KCNQ5: variants seen among roughly 807,000 people sequenced by gnomAD.
KCNQ5 encodes potassium voltage-gated channel subfamily KQT member 5.
A neutral mutation model predicts 98.2 loss-of-function variants in KCNQ5; 30 were observed. The ratio of observed to expected loss-of-function variants is 0.31; its 90% CI spans 0.23 to 0.41. The LOEUF is 0.41. Ranked by LOEUF, KCNQ5 falls within the 10% of genes least tolerant of loss-of-function variation. KCNQ5 has a pLI of 1.00. For synonymous variants in KCNQ5, 458 were observed against 449.4 expected (o/e 1.02, Z -0.24); for missense variants, 835 against 1,182.5 (o/e 0.71, Z 4.31).
chr6:73,081,452 G>A (rs372895463), intron 5 of KCNQ5, among the ~76,000 whole-genome samples: 9 of 152,096 alleles, frequency 5.9e-5, no homozygotes, highest in African/African-American at 1.7e-4. Flanking sequence ...TTGTGGGAGT[G>A]ATTTTTCTCT....
At chr6:72,633,389 C>A (rs201896472) in intron 1 of KCNQ5, among the ~76,000 whole-genome samples, 1 of 152,006 alleles carries the variant, frequency 6.6e-6, no homozygotes, top group East Asian at 1.9e-4. Flanking sequence ...GTTTATAAAT[C>A]GGAGACGACA....
At chr6:72,872,790 A>G (rs925333762) in intron 1 of KCNQ5, among the ~76,000 whole-genome samples, 5 of 152,176 alleles carry the variant, frequency 3.3e-5, no homozygotes, top group Middle Eastern at 3.4e-3. Context: ...GTATTGTTCA[A>G]TACTCTCCCA....
intron 1 of KCNQ5, among the ~76,000 whole-genome samples, chr6:72,926,557 C>A (rs1483466615): frequency 6.6e-6 from 1 of 151,988 alleles, no homozygotes; most frequent in Non-Finnish European, 1.5e-5. Context: ...CTAAGGGCTA[C>A]CAACAACACT....
At chr6:73,180,965 T>A (rs1365003286) in intron 11 of KCNQ5, among the ~76,000 whole-genome samples, 1 of 152,222 alleles carries the variant, frequency 6.6e-6, no homozygotes, top group African/African-American at 2.4e-5. Flanking sequence ...CATATTCATA[T>A]GCAATATTTT....
intron 5 of KCNQ5, among the ~76,000 whole-genome samples, chr6:73,096,488 C>T (rs936621129): frequency 2.0e-5 from 3 of 152,060 alleles, no homozygotes; most frequent in Non-Finnish European, 4.4e-5. Context: ...GGAGCTGGGA[C>T]TTTGTTCTAA....
chr6:72,627,943 C>T (rs2098918818), intron 1 of KCNQ5, among the ~76,000 whole-genome samples: 1 of 152,180 alleles, frequency 6.6e-6, no homozygotes, highest in African/African-American at 2.4e-5. Flanking sequence ...GAGTTAGGTG[C>T]CCCTTCTTTC....
chr6:72,625,093 G>A (rs978395773), intron 1 of KCNQ5, among the ~76,000 whole-genome samples: 3 of 152,120 alleles, frequency 2.0e-5, no homozygotes, highest in Admixed American at 6.6e-5. Context: ...TGATTAATGA[G>A]GTACTTCAGG....
intron 11 of KCNQ5, among the ~76,000 whole-genome samples, chr6:73,190,186 A>T (rs1025000864): frequency 2.0e-5 from 3 of 152,168 alleles, no homozygotes; most frequent in African/African-American, 7.2e-5. Flanking sequence ...TCCATAAAAG[A>T]CCATTTTAAC....
intron 3 of KCNQ5, among the ~76,000 whole-genome samples, chr6:73,050,001 C>A (rs924214070): frequency 2.6e-4 from 39 of 151,512 alleles, no homozygotes; most frequent in African/African-American, 9.0e-4. Flanking sequence ...TCAACCTGGG[C>A]AACATAATGA....
rs145877120 is a variant in KCNQ5, at chr6:72,930,119, T to A, written c.399-73789T>A. 4.1e-4 allele frequency among the ~76,000 whole-genome samples: 62 copies of A among 152,060 alleles called. No individual in the cohort carries two copies. In the East Asian group the frequency reaches 0.012, roughly 28 times the overall value. ...CTTTCTTAAGTCATCTTTGCAGAGG[T>A]CATATTTAATAAAAAAAAAAGTCTG... On this transcript the variant is annotated intron_variant, in intron 1 of 13. Transcript: ENST00000370398.
intron 1 of KCNQ5, among the ~76,000 whole-genome samples, chr6:72,982,808 C>T (rs1416283924): frequency 6.6e-6 from 1 of 152,108 alleles, no homozygotes; most frequent in African/African-American, 2.4e-5. Context: ...GTGTCTGGTA[C>T]CGGTTGTTGC....
chr6:73,055,359 A>G (rs1772434458), intron 3 of KCNQ5: 2 of 1,454,718 alleles, frequency 1.4e-6, no homozygotes, highest in Admixed American at 3.4e-5. Flanking sequence ...AATGAGCAGC[A>G]CTATGGGGCT....
At chr6:72,706,713 A>G (rs1426126429) in intron 1 of KCNQ5, among the ~76,000 whole-genome samples, 4 of 152,168 alleles carry the variant, frequency 2.6e-5, no homozygotes. Context: ...TGCCTTCTAC[A>G]TATCTGAATG....
At chr6:73,167,378 C>A (rs1777844897) in intron 10 of KCNQ5, among the ~76,000 whole-genome samples, 2 of 152,212 alleles carry the variant, frequency 1.3e-5, no homozygotes, top group Non-Finnish European at 2.9e-5. Flanking sequence ...ACCCCAAACT[C>A]GTTCTGATAC....
chr6:72,872,169 C>T (rs1040478443), intron 1 of KCNQ5, among the ~76,000 whole-genome samples: 5 of 152,206 alleles, frequency 3.3e-5, no homozygotes, highest in Admixed American at 2.6e-4. Context: ...TCTCTCCCTT[C>T]CCTTTACTTC....
At chr6:72,948,162 T>A (rs193193540) in intron 1 of KCNQ5, among the ~76,000 whole-genome samples, 37 of 152,168 alleles carry the variant, frequency 2.4e-4, no homozygotes, top group African/African-American at 8.9e-4. Context: ...ATTGCTGGAG[T>A]GAACTTTGAT....
At chr6:72,701,673 C>A (rs1465867600) in intron 1 of KCNQ5, among the ~76,000 whole-genome samples, 1 of 151,952 alleles carries the variant, frequency 6.6e-6, no homozygotes, top group African/African-American at 2.4e-5. Context: ...AACTCCTGAG[C>A]TCAAGCAATT....
In KCNQ5 at chr6:72,718,334, A is replaced by G. The variant is rs1381282845; in HGVS notation, c.398+95747A>G. The stretch of plus-strand genomic sequence containing the variant: ...TGCTGGTCTGCATGTTCTGCTTGCC[A>G]GTTTTCCACCTGCAGTTGGTGGCAT... On this transcript the variant is annotated intron_variant, in intron 1 of 13. Coordinates refer to ENST00000370398, the MANE Select transcript of KCNQ5 (RefSeq NM_019842.4). 3.3e-5 allele frequency among the ~76,000 whole-genome samples: 5 copies of G among 151,016 alleles called. No individual in the cohort carries two copies. The East Asian group carries it at 7.7e-4, about 23-fold the overall frequency.
At chr6:72,805,320 C>T (rs4610523) in intron 1 of KCNQ5, among the ~76,000 whole-genome samples, 87,134 of 151,850 alleles carry the variant, frequency 0.57, 24,986 homozygotes, top group Middle Eastern at 0.65. Context: ...AAGCGTTTAA[C>T]GGATTCTGAT....
Sources: allele counts gnomAD v4.1 joint callset (sites outside exome capture counted in the v4.1 genomes callset), GRCh38; gene constraint gnomAD v4.1.1; transcripts MANE v1.5; gene names NCBI Gene and HGNC (gene_info 2026-07-23, HGNC 2026-07-21).